The following AKAIN1 variants were observed in gnomAD, a reference collection of about 807,000 sequenced individuals.
AKAIN1 encodes A-kinase anchor inhibitor 1.
In AKAIN1, 3 loss-of-function variants were observed where a neutral mutation model predicts 3.7. The ratio of observed to expected loss-of-function variants is 0.82; its 90% CI spans 0.37 to 2.12. The LOEUF (loss-of-function observed/expected upper bound fraction) is 2.12. Among genes scored for constraint, AKAIN1 ranks in the 30% most tolerant of loss-of-function variants. The pLI is 0.06. For missense variants in AKAIN1, 82 were observed against 82.7 expected (o/e 0.99, Z 0.03); for synonymous variants, 31 against 30.8 (o/e 1.01, Z -0.02).
At chr18:5,191,368 G>A (rs554025551) in intron 1 of AKAIN1, among the ~76,000 whole-genome samples, 2 of 152,088 alleles carry the variant, frequency 1.3e-5, no homozygotes, top group East Asian at 1.9e-4. Flanking sequence ...ATGAATGTGC[G>A]GACATCAAAT....
intron 1 of AKAIN1, among the ~76,000 whole-genome samples, chr18:5,169,518 C>T (rs117016876): frequency 6.6e-6 from 1 of 151,956 alleles, no homozygotes. Context: ...TTCTACACAG[C>T]TCAGCTCCAA....
intron 1 of AKAIN1, among the ~76,000 whole-genome samples, chr18:5,182,358 A>G (rs983387386): frequency 1.3e-5 from 2 of 152,140 alleles, no homozygotes; most frequent in African/African-American, 4.8e-5. Flanking sequence ...CAACAATAAC[A>G]TCAGTAATAG....
intron 1 of AKAIN1, among the ~76,000 whole-genome samples, chr18:5,154,561 A>C (rs1437230367): frequency 6.6e-6 from 1 of 152,002 alleles, no homozygotes; most frequent in African/African-American, 2.4e-5. Flanking sequence ...ATGAAATCCT[A>C]AGCCTCCCCC....
rs1043308697 is a variant in AKAIN1, at chr18:5,143,688, A to G, written c.*1874T>C. Among the ~76,000 whole-genome samples the G allele has an allele frequency of 9.9e-5, 15 of 152,236 alleles. No homozygotes were observed. Among genetic ancestry groups the G allele is most frequent in the African/African-American group, 3.6e-4 (15 of 41,456 alleles). Reference sequence around the variant, plus strand: ...AGAAAACTTTGCTTAAGATATTTCAAAGCTGTATGTGTTTTATTTATAAAT... The same window carrying G: ...AGAAAACTTTGCTTAAGATATTTCAGAGCTGTATGTGTTTTATTTATAAAT... On this transcript the variant is annotated 3_prime_UTR_variant, in exon 2 of 2. Transcript: ENST00000434239.
chr18:5,197,378 G>A, upstream of AKAIN1: 2 of 1,261,860 alleles, frequency 1.6e-6, no homozygotes, highest in Non-Finnish European at 1.0e-6. The surrounding 1 kb of genome is among the most constrained non-coding windows in gnomAD (Gnocchi z 6.9). Flanking sequence ...CCGCTTTCAC[G>A]CGACGAAGGT....
chr18:5,190,794 A>G (rs898665951), intron 1 of AKAIN1, among the ~76,000 whole-genome samples: 2 of 152,116 alleles, frequency 1.3e-5, no homozygotes, highest in South Asian at 2.1e-4. Context: ...ATGGCAGAGA[A>G]AGAGATAATA....
intron 1 of AKAIN1, among the ~76,000 whole-genome samples, chr18:5,160,472 C>G (rs1011625012): frequency 3.3e-5 from 5 of 152,048 alleles, no homozygotes; most frequent in African/African-American, 1.2e-4. Flanking sequence ...TATTCCTTGT[C>G]AATTATATGT....
chr18:5,178,615 G>A (rs1185443655), intron 1 of AKAIN1, among the ~76,000 whole-genome samples: 1 of 152,158 alleles, frequency 6.6e-6, no homozygotes, highest in Non-Finnish European at 1.5e-5. Flanking sequence ...ACTTGTATGT[G>A]CCAAGAGGAG....
At chr18:5,168,058 C>T (rs1441496011) in intron 1 of AKAIN1, among the ~76,000 whole-genome samples, 1 of 152,076 alleles carries the variant, frequency 6.6e-6, no homozygotes. Context: ...CCAAACCCAT[C>T]TGAACACAAC....
intron 1 of AKAIN1, among the ~76,000 whole-genome samples, chr18:5,189,268 C>T (rs2071305121): frequency 6.6e-6 from 1 of 152,178 alleles, no homozygotes; most frequent in Admixed American, 6.5e-5. Context: ...CCTTTGTAAT[C>T]TTTCTCCCAT....
In AKAIN1 at chr18:5,197,223, G is replaced by C; in HGVS notation, c.-170C>G. 1 of 1,388,708 alleles carries C rather than the reference G, an allele frequency of 7.2e-7. No individual in the cohort carries two copies. Among genetic ancestry groups the C allele is most frequent in the South Asian group, 1.7e-5 (1 of 60,024 alleles). The allele number at this position is 1,388,708 out of a possible 1,614,324, so 86.0% of individuals were successfully genotyped here. A position where few individuals can be genotyped will look rare whatever the true frequency, so the allele number is the denominator to read the frequency against. Reference sequence around the variant, plus strand: ...CCCGCCGCTAGATCCTGGGGCCGCAGCTCCAGCCGCCGCCGCGCGCTCTGC... The same window carrying C: ...CCCGCCGCTAGATCCTGGGGCCGCACCTCCAGCCGCCGCCGCGCGCTCTGC... On this transcript the variant is annotated 5_prime_UTR_variant, in exon 1 of 2. Coordinates refer to ENST00000434239, the MANE Select transcript of AKAIN1 (RefSeq NM_001145194.2). This position sits in a 1 kb window ranked among gnomAD's most constrained non-coding sequence, Gnocchi z 6.9.
intron 1 of AKAIN1, among the ~76,000 whole-genome samples, chr18:5,190,986 T>G (rs2071315218): frequency 6.6e-6 from 1 of 152,164 alleles, no homozygotes; most frequent in African/African-American, 2.4e-5. Flanking sequence ...CATCTATTGA[T>G]GATAAAATCT....
At chr18:5,177,062 G>A (rs1487838875) in intron 1 of AKAIN1, among the ~76,000 whole-genome samples, 1 of 152,052 alleles carries the variant, frequency 6.6e-6, no homozygotes. Flanking sequence ...AGCTAGCCCA[G>A]TGGCAGTAGT....
intron 1 of AKAIN1, among the ~76,000 whole-genome samples, chr18:5,160,274 G>A (rs1319683541): frequency 6.6e-6 from 1 of 152,104 alleles, no homozygotes; most frequent in Non-Finnish European, 1.5e-5. Context: ...CATTTTAAAA[G>A]TTTCAACCTG....
chr18:5,156,775 C>A (rs190917452), intron 1 of AKAIN1, among the ~76,000 whole-genome samples: 2 of 152,258 alleles, frequency 1.3e-5, no homozygotes, highest in Admixed American at 1.3e-4. Flanking sequence ...GCTCCATGGC[C>A]TGGGGGTCTT....
At chr18:5,151,457 G>T (rs2071079669) in intron 1 of AKAIN1, among the ~76,000 whole-genome samples, 2 of 152,164 alleles carry the variant, frequency 1.3e-5, no homozygotes, top group Non-Finnish European at 2.9e-5. Flanking sequence ...GCAATGAAAA[G>T]CCACAGCCCC....
chr18:5,186,304 T>C (rs750253499), intron 1 of AKAIN1, among the ~76,000 whole-genome samples: 15 of 152,140 alleles, frequency 9.9e-5, no homozygotes, highest in Middle Eastern at 3.4e-3. Context: ...AAATAATCCG[T>C]ACACCAAACC....
chr18:5,192,307 C>T (rs570358006), intron 1 of AKAIN1, among the ~76,000 whole-genome samples: 1 of 152,108 alleles, frequency 6.6e-6, no homozygotes, highest in African/African-American at 2.4e-5. Context: ...GTGGCTCAAT[C>T]CTACCTCAAA....
intron 1 of AKAIN1, among the ~76,000 whole-genome samples, chr18:5,177,296 T>C (rs1021236410): frequency 2.0e-5 from 3 of 152,150 alleles, no homozygotes; most frequent in African/African-American, 7.2e-5. Context: ...ATTACTATTC[T>C]ATAATTAGGT....
Sources: allele counts gnomAD v4.1 joint callset (sites outside exome capture counted in the v4.1 genomes callset), GRCh38; gene constraint gnomAD v4.1.1; non-coding constraint Gnocchi (gnomAD v3.1); transcripts MANE v1.5; gene names NCBI Gene and HGNC (gene_info 2026-07-23, HGNC 2026-07-21).